Variants in STARD3 observed in about 807,000 individuals in gnomAD.
STARD3 encodes StAR related lipid transfer domain containing 3.
A neutral mutation model predicts 62.0 loss-of-function variants in STARD3; 39 were observed. The observed-to-expected ratio is 0.63, with a 90% CI of 0.49 to 0.82. The LOEUF (loss-of-function observed/expected upper bound fraction) is 0.82. Among genes scored for constraint, STARD3 ranks in the 40% least tolerant of loss-of-function variants. STARD3 has a pLI of 0.00. For synonymous variants in STARD3, 229 were observed against 242.4 expected (o/e 0.94, Z 0.51); for missense variants, 543 against 584.5 (o/e 0.93, Z 0.73).
At chr17:39,661,755 C>T (rs958585100) in intron 13 of STARD3, among the ~76,000 whole-genome samples, 3 of 152,228 alleles carry the variant, frequency 2.0e-5, no homozygotes, top group Admixed American at 6.5e-5. Flanking sequence ...CTCACTTCCT[C>T]TCTGGATGCC....
chr17:39,657,948 C>G, intron 4 of STARD3, 25 bp from the exon 5 acceptor site: 1 of 1,604,172 alleles, frequency 6.2e-7, no homozygotes, highest in East Asian at 2.2e-5. Flanking sequence ...CTGCCTTCCC[C>G]TTCCTCCCTC....
intron 1 of STARD3, among the ~76,000 whole-genome samples, chr17:39,650,293 C>T (rs867677688): frequency 2.0e-5 from 3 of 152,132 alleles, no homozygotes; most frequent in Non-Finnish European, 4.4e-5. Flanking sequence ...GAAGACCGGT[C>T]GGCGTTTGTG....
At chr17:39,654,594 C>G (rs1384522007) in intron 2 of STARD3, among the ~76,000 whole-genome samples, 1 of 151,410 alleles carries the variant, frequency 6.6e-6, no homozygotes, top group Middle Eastern at 3.2e-3. Flanking sequence ...GGTCTCCAGG[C>G]AGGGCCAAGC....
Position 39,663,318 on chromosome 17 carries a change from G to A in STARD3, c.*410G>A. ...CCTGCGCTCTCGTCGGTTTTTTTAG[G>A]ATTATTGAAAGAGTCTGGGACCCTT... On this transcript the variant is annotated 3_prime_UTR_variant, in exon 15 of 15. Transcript: ENST00000336308. 1 of 369,834 alleles carries A rather than the reference G, an allele frequency of 2.7e-6. No individual in the cohort carries two copies. Among genetic ancestry groups the A allele is most frequent in the East Asian group, 3.9e-5 (1 of 25,780 alleles). 22.9% of individuals were successfully genotyped at this position (369,834 alleles called of 1,614,324 possible). A position where few individuals can be genotyped will look rare whatever the true frequency, so the allele number is the denominator to read the frequency against.
intron 14 of STARD3, 67 bp downstream of exon 14, chr17:39,662,411 G>A (rs749748244): frequency 6.7e-7 from 1 of 1,486,614 alleles, no homozygotes; most frequent in Admixed American, 1.9e-5. Flanking sequence ...TGACTTGGTT[G>A]CTGCATGACT....
intron 1 of STARD3, among the ~76,000 whole-genome samples, chr17:39,650,637 G>A (rs1019399114): frequency 2.0e-5 from 3 of 151,972 alleles, no homozygotes; most frequent in Non-Finnish European, 2.9e-5. Flanking sequence ...TGAGACCCTC[G>A]TCTCTAAAAA....
At chr17:39,640,372 A>G (rs931518872) in intron 1 of STARD3, among the ~76,000 whole-genome samples, 2 of 152,198 alleles carry the variant, frequency 1.3e-5, no homozygotes, top group African/African-American at 4.8e-5. Flanking sequence ...CCCAGCCTCC[A>G]AGGGGGCAGG....
intron 1 of STARD3, chr17:39,652,845 A>C (rs1597794072): frequency 6.5e-6 from 1 of 153,274 alleles, no homozygotes; most frequent in African/African-American, 2.4e-5. Context: ...CTGGAGGCCC[A>C]CCCGTGAGAA....
rs920838120 is a variant in STARD3 at position 39,658,017 on chromosome 17, C to T, written c.420C>T (p.Ile140=). Residue 140 remains isoleucine, a synonymous_variant, in exon 5 of 15, where the codon ATC becomes ATT. Transcript: ENST00000336308. The part of the protein sequence containing the change: ...VSSAFLIVKV[I]LSELLSKGAF... ...GTGCATTCCTCATTGTCAAGGTCAT[C>T]CTCTCTGAGGTCAGTGGCTCAGGGT... is the stretch of plus-strand genomic sequence containing the variant. The T allele has an allele frequency of 9.0e-6, 14 of 1,560,372 alleles. No homozygotes were observed. The highest frequency in any genetic ancestry group is 1.2e-5 in the Non-Finnish European group (14 of 1,152,048).
In STARD3 at chr17:39,657,683, G is replaced by C; in HGVS notation, c.298-92G>C. 4 of 1,387,226 alleles carry C rather than the reference G, an allele frequency of 2.9e-6. No individual in the cohort carries two copies. The South Asian group carries it at 4.7e-5, about 16-fold the overall frequency. 85.9% of individuals were successfully genotyped at this position (1,387,226 alleles called of 1,614,324 possible). A position where few individuals can be genotyped will look rare whatever the true frequency, so the allele number is the denominator to read the frequency against. On this transcript the variant is annotated intron_variant, in intron 3 of 14. Coordinates refer to ENST00000336308, the MANE Select transcript of STARD3 (RefSeq NM_006804.4). ...TGAGGTGTGCATGCCCATAGGAAGGGAACGTGGGGGCAGGACCAGAGGGGA... is the reference window on the plus strand; with the variant it reads ...TGAGGTGTGCATGCCCATAGGAAGGCAACGTGGGGGCAGGACCAGAGGGGA...
At chr17:39,648,682 C>T (rs2057049447) in intron 1 of STARD3, among the ~76,000 whole-genome samples, 1 of 152,082 alleles carries the variant, frequency 6.6e-6, no homozygotes, top group African/African-American at 2.4e-5. Flanking sequence ...ATATCAAACC[C>T]CCTTTCTTTG....
At chr17:39,638,192 A>G (rs1490594891) in intron 1 of STARD3, among the ~76,000 whole-genome samples, 2 of 152,168 alleles carry the variant, frequency 1.3e-5, no homozygotes, top group Non-Finnish European at 2.9e-5. Context: ...GGCCAGCTCC[A>G]TCTCTTCTGT....
rs754729142 is a variant in STARD3, at chr17:39,653,515, G to C, written c.-17G>C. ...TGAGGCCGCGCCCTCCCCGCCCTGA[G>C]GTGGGGGCCCACCAGGATGAGCAAG... is the stretch of plus-strand genomic sequence containing the variant. On this transcript the variant is annotated 5_prime_UTR_variant, in exon 2 of 15. Coordinates refer to ENST00000336308, the MANE Select transcript of STARD3 (RefSeq NM_006804.4). 1.2e-5 allele frequency: 20 copies of C among 1,600,400 alleles called. No individual in the cohort carries two copies. Among genetic ancestry groups the C allele is most frequent in the Non-Finnish European group, 1.7e-5 (20 of 1,179,316 alleles).
chr17:39,657,654 C>T, intron 3 of STARD3, 121 bp from the exon 4 acceptor site: 1 of 1,000,100 alleles, frequency 1.0e-6, no homozygotes, highest in Non-Finnish European at 1.6e-6. Flanking sequence ...CAGTCGTTGT[C>T]CCCTGAGGTG....
intron 1 of STARD3, among the ~76,000 whole-genome samples, chr17:39,647,470 C>G (rs550197048): frequency 2.0e-5 from 3 of 152,300 alleles, no homozygotes; most frequent in Non-Finnish European, 4.4e-5. Flanking sequence ...TCCTGCCTCC[C>G]CCTCATCAGG....
chr17:39,645,435 T>A (rs539220313), intron 1 of STARD3, among the ~76,000 whole-genome samples: 1 of 152,340 alleles, frequency 6.6e-6, no homozygotes, highest in East Asian at 1.9e-4. Flanking sequence ...TTAACCTCCC[T>A]CGCTCACAAT....
chr17:39,653,888 G>C, intron 2 of STARD3, 138 bp downstream of exon 2: 1 of 965,310 alleles, frequency 1.0e-6, no homozygotes, highest in Non-Finnish European at 1.6e-6. Flanking sequence ...GGAACAACAG[G>C]GGTTCTCATA....
At chr17:39,654,167 A>ATCATTCAT (rs3029514) in intron 2 of STARD3, among the ~76,000 whole-genome samples, 7 of 151,408 alleles carry the variant, frequency 4.6e-5, no homozygotes, top group Middle Eastern at 3.4e-3. Context: ...CGTTTGTTCG[A>ATCATTCAT]TCATTCATTC....
At chr17:39,659,200 A>G (rs2057166931) in intron 8 of STARD3, 94 bp downstream of exon 8, 3 of 1,514,036 alleles carry the variant, frequency 2.0e-6, no homozygotes, top group Non-Finnish European at 9.1e-7. Context: ...GGGGTTTCCC[A>G]GTAGAGGCTG....
Sources: allele counts gnomAD v4.1 joint callset (sites outside exome capture counted in the v4.1 genomes callset), GRCh38; gene constraint gnomAD v4.1.1; transcripts MANE v1.5; gene names NCBI Gene and HGNC (gene_info 2026-07-23, HGNC 2026-07-21).